NSRP1: variants seen among roughly 807,000 people sequenced by gnomAD.
The protein encoded by NSRP1 is coiled-coil domain containing 55.
In NSRP1, 24 loss-of-function variants were observed where a neutral mutation model predicts 54.7. The ratio of observed to expected loss-of-function variants is 0.44; its 90% CI spans 0.32 to 0.62. The LOEUF is 0.62. Among genes scored for constraint, NSRP1 ranks in the 20% least tolerant of loss-of-function variants. The probability of loss-of-function intolerance (pLI) is 0.06; values close to 1 mark genes in which losing one functional copy is unlikely to be tolerated. For missense variants in NSRP1, 596 were observed against 651.2 expected (o/e 0.92, Z 0.92); for synonymous variants, 210 against 213.8 (o/e 0.98, Z 0.15).
intron 6 of NSRP1, among the ~76,000 whole-genome samples, chr17:30,182,540 G>A (rs1329350700): frequency 2.0e-5 from 3 of 152,178 alleles, no homozygotes; most frequent in Non-Finnish European, 4.4e-5. Context: ...TCCTGGGGAG[G>A]TTGAGGCAGG....
intron 2 of NSRP1, among the ~76,000 whole-genome samples, chr17:30,140,089 C>G (rs1342520231): frequency 1.3e-5 from 2 of 152,172 alleles, no homozygotes; most frequent in African/African-American, 4.8e-5. Context: ...TTTCCAGAGG[C>G]TGCTTACATG....
chr17:30,138,072 G>T (rs1416771871), intron 2 of NSRP1, among the ~76,000 whole-genome samples: 6 of 151,964 alleles, frequency 3.9e-5, no homozygotes, highest in African/African-American at 1.5e-4. Flanking sequence ...CTATAAATTT[G>T]ACCATTCCAG....
At chr17:30,136,851 A>G (rs1347454211) in intron 2 of NSRP1, among the ~76,000 whole-genome samples, 1 of 152,196 alleles carries the variant, frequency 6.6e-6, no homozygotes, top group Non-Finnish European at 1.5e-5. Context: ...AGCAGTAGTA[A>G]TTATACACAC....
rs539561862 is a variant in NSRP1, at chr17:30,127,501, A to G, written c.114+9328A>G. 2.3e-4 allele frequency among the ~76,000 whole-genome samples: 35 copies of G among 152,234 alleles called. No homozygotes were observed. In the East Asian group the frequency reaches 6.0e-3, roughly 26 times the overall value. ...ATGATCACGGCTCACTGCAACCTCT[A>G]CCTTCTGGGCTCAAGTGATCCTCTC... On this transcript the variant is annotated intron_variant, in intron 2 of 6. Coordinates refer to ENST00000247026, the MANE Select transcript of NSRP1 (RefSeq NM_032141.4).
At chr17:30,131,001 T>TG (rs945751674) in intron 2 of NSRP1, among the ~76,000 whole-genome samples, 2 of 152,086 alleles carry the variant, frequency 1.3e-5, no homozygotes, top group African/African-American at 4.8e-5. Flanking sequence ...GTGGTGGTGG[T>TG]GGGGGGTGAT....
intron 2 of NSRP1, among the ~76,000 whole-genome samples, chr17:30,122,162 C>G (rs2071603590): frequency 1.3e-5 from 2 of 150,996 alleles, no homozygotes. Flanking sequence ...AATAATATTC[C>G]ATTGTATGAA....
chr17:30,171,974 TCC>T (rs1491480918), intron 2 of NSRP1, among the ~76,000 whole-genome samples: 37 of 64,006 alleles, frequency 5.8e-4, no homozygotes, highest in African/African-American at 1.8e-3. Context: ...ACACACACAC[TCC>T]CTCTCTCTCT....
At chr17:30,156,032 G>T (rs1255351500) in intron 2 of NSRP1, among the ~76,000 whole-genome samples, 1 of 151,774 alleles carries the variant, frequency 6.6e-6, no homozygotes, top group Non-Finnish European at 1.5e-5. Flanking sequence ...TAGAGACAGG[G>T]TTTCACCATG....
intron 2 of NSRP1, among the ~76,000 whole-genome samples, chr17:30,135,688 A>T (rs1176031769): frequency 1.4e-5 from 2 of 146,154 alleles, no homozygotes; most frequent in Non-Finnish European, 3.0e-5. Flanking sequence ...GTTAGCCAGG[A>T]TGGTCTCGAT....
intron 2 of NSRP1, among the ~76,000 whole-genome samples, chr17:30,126,760 G>T (rs1341115184): frequency 2.0e-5 from 3 of 152,166 alleles, no homozygotes; most frequent in Non-Finnish European, 4.4e-5. Flanking sequence ...GCTCATTTTT[G>T]TATTTTTTTG....
At position 30,173,616 on chromosome 17, in the gene NSRP1, T is replaced by G. The variant is rs534041980; in HGVS notation, c.171+1018T>G. 1.7e-4 allele frequency among the ~76,000 whole-genome samples: 26 copies of G among 152,360 alleles called. 1 individual carries two copies. Among genetic ancestry groups the G allele is most frequent in the African/African-American group, 6.3e-4 (26 of 41,588 alleles). On this transcript the variant is annotated intron_variant, in intron 3 of 6. Transcript: ENST00000247026. ...GGAAACCTGCATAAAGATAAGTTTA[T>G]TAAGCACTTTCTATGTGCCAGGCAT...
At chr17:30,122,996 GTTGGTCTTGAACAC>G (rs977158335) in intron 2 of NSRP1, among the ~76,000 whole-genome samples, 82 of 151,762 alleles carry the variant, frequency 5.4e-4, no homozygotes, top group African/African-American at 1.8e-3. Context: ...TATTGGCCAG[GTTGGTCTTGAACAC>G]CTGGCCTCAA....
chr17:30,124,054 C>T (rs1010804068), intron 2 of NSRP1, among the ~76,000 whole-genome samples: 1 of 151,660 alleles, frequency 6.6e-6, no homozygotes, highest in South Asian at 2.1e-4. Flanking sequence ...GTGGGAGAAT[C>T]GCTTGAGGCT....
intron 2 of NSRP1, among the ~76,000 whole-genome samples, chr17:30,138,448 C>T (rs1240343666): frequency 6.6e-6 from 1 of 152,146 alleles, no homozygotes; most frequent in Non-Finnish European, 1.5e-5. Flanking sequence ...TTGCACATAA[C>T]CTATGCACGT....
At chr17:30,181,597 G>GTTTTTTTTTTTTTTTTTTTTTTTTTTT in intron 6 of NSRP1, among the ~76,000 whole-genome samples, 1 of 135,370 alleles carries the variant, frequency 7.4e-6, no homozygotes, top group African/African-American at 2.8e-5. Flanking sequence ...TGTGTGTGTG[G>GTTTTTTTTTTTTTTTTTTTTTTTTTTT]TTTTTTTTTT....
intron 2 of NSRP1, among the ~76,000 whole-genome samples, chr17:30,130,589 A>G (rs1244768114): frequency 6.6e-6 from 1 of 152,184 alleles, no homozygotes; most frequent in East Asian, 1.9e-4. Context: ...ATTTATTTCA[A>G]AATCTTACAG....
intron 2 of NSRP1, among the ~76,000 whole-genome samples, chr17:30,143,898 A>T (rs963175048): frequency 6.6e-6 from 1 of 152,172 alleles, no homozygotes; most frequent in African/African-American, 2.4e-5. Flanking sequence ...TGATGTGCTT[A>T]TTTCACATGG....
At chr17:30,171,972 A>ACACACACACTCTCTCT (rs1169988659) in intron 2 of NSRP1, among the ~76,000 whole-genome samples, 1 of 46,588 alleles carries the variant, frequency 2.1e-5, no homozygotes, top group African/African-American at 6.2e-5. Flanking sequence ...ACACACACAC[A>ACACACACACTCTCTCT]CTCCCTCTCT....
At chr17:30,122,349 T>TGTGTGTGTATATATATATA (rs1481107161) in intron 2 of NSRP1, 6 of 72,306 alleles carry the variant, frequency 8.3e-5, no homozygotes, top group African/African-American at 3.4e-4. Context: ...ATAACTCTGG[T>TGTGTGTGTATATATATATA]TTCATATATA....
Sources: allele counts gnomAD v4.1 joint callset (sites outside exome capture counted in the v4.1 genomes callset), GRCh38; gene constraint gnomAD v4.1.1; transcripts MANE v1.5; gene names NCBI Gene and HGNC (gene_info 2026-07-23, HGNC 2026-07-21).